TRAPPC12: variants seen among roughly 807,000 people sequenced by gnomAD.
TRAPPC12 encodes trafficking protein particle complex subunit 12, also known as TPR repeat protein 15.
A neutral mutation model predicts 69.2 loss-of-function variants in TRAPPC12; 61 were observed. The observed-to-expected ratio is 0.88, with a 90% CI of 0.72 to 1.09. TRAPPC12 has a LOEUF of 1.09. Ranked by LOEUF, TRAPPC12 falls within the 50% of genes least tolerant of loss-of-function variation. TRAPPC12 has a pLI of 0.00. For synonymous variants in TRAPPC12, 469 were observed against 438.9 expected (o/e 1.07, Z -0.86); for missense variants, 1,101 against 1,016.4 (o/e 1.08, Z -1.13).
intron 3 of TRAPPC12, among the ~76,000 whole-genome samples, chr2:3,419,430 G>T (rs13399186): frequency 0.64 from 97,003 of 151,984 alleles, 31,496 homozygotes; most frequent in African/African-American, 0.77. Context: ...GTAAATTATC[G>T]TAACCAATCT....
intron 3 of TRAPPC12, among the ~76,000 whole-genome samples, chr2:3,421,081 T>C (rs1662754866): frequency 6.6e-6 from 1 of 152,202 alleles, no homozygotes; most frequent in Admixed American, 6.5e-5. Flanking sequence ...GCTGCAGAAA[T>C]GAGGACATCT....
intron 3 of TRAPPC12, among the ~76,000 whole-genome samples, chr2:3,416,339 G>GTTTC (rs1662392272): frequency 1.3e-5 from 2 of 152,244 alleles, no homozygotes; most frequent in African/African-American, 4.8e-5. Flanking sequence ...CCACAGGTAG[G>GTTTC]TTTCTTTATT....
chr2:3,421,920 C>T lies in TRAPPC12; in HGVS notation c.1204C>T (p.Arg402Cys), dbSNP rs368315810. Residue 402 changes from arginine to cysteine, a missense_variant, in exon 4 of 12, where the codon CGT becomes TGT. Arg to Cys is a radical substitution (Grantham distance 180). Transcript: ENST00000324266. ...NWRAAVDLCGRLLTAHGQGYG... is the reference protein window; with the variant it reads ...NWRAAVDLCGCLLTAHGQGYG... ...GAGGGCAGCAGTGGACCTGTGCGGACGTCTCCTCACAGCCCACGGCCAGGG... is the reference window on the plus strand; with the variant it reads ...GAGGGCAGCAGTGGACCTGTGCGGATGTCTCCTCACAGCCCACGGCCAGGG... 1.1e-5 allele frequency: 18 copies of T among 1,613,794 alleles called. No individual in the cohort carries two copies. The South Asian group carries it at 1.2e-4, about 11-fold the overall frequency.
chr2:3,395,311 C>T (rs112897555), intron 2 of TRAPPC12, among the ~76,000 whole-genome samples: 9 of 152,210 alleles, frequency 5.9e-5, no homozygotes, highest in Non-Finnish European at 8.8e-5. Flanking sequence ...TCTCTTCAAA[C>T]GTTTTCTCCA....
chr2:3,457,404 G>A (rs546432680), intron 6 of TRAPPC12, among the ~76,000 whole-genome samples: 1 of 152,180 alleles, frequency 6.6e-6, no homozygotes, highest in East Asian at 1.9e-4. Context: ...GTATACCCAG[G>A]TAACCTGCAC....
chr2:3,415,258 C>T (rs1002711651), intron 3 of TRAPPC12, among the ~76,000 whole-genome samples: 9 of 152,174 alleles, frequency 5.9e-5, no homozygotes, highest in Admixed American at 2.0e-4. Context: ...CAAGAAATGA[C>T]GTGAAATGTC....
At chr2:3,444,435 T>C (rs1222559235) in intron 6 of TRAPPC12, among the ~76,000 whole-genome samples, 1 of 152,226 alleles carries the variant, frequency 6.6e-6, no homozygotes, top group Non-Finnish European at 1.5e-5. Context: ...AAGTGGCACG[T>C]TATTACACTA....
In TRAPPC12 at chr2:3,379,805, G is replaced by C. The variant is rs1660118440; in HGVS notation, c.-76G>C. On this transcript the variant is annotated 5_prime_UTR_variant, in exon 1 of 12. Transcript: ENST00000324266. ...AGTTCCTCTCCGATTCCCGGCTTCT[G>C]TCACCTTCCTCACGGACCTTGGTCA... 6.6e-6 allele frequency: 1 copy of C among 152,484 alleles called. No individual in the cohort carries two copies. The highest frequency in any genetic ancestry group is 2.4e-5 in the African/African-American group (1 of 41,460). 9.4% of individuals were successfully genotyped at this position (152,484 alleles called of 1,614,324 possible). A position where few individuals can be genotyped will look rare whatever the true frequency, so the allele number is the denominator to read the frequency against.
Position 3,465,612 on chromosome 2 carries a change from G to A in TRAPPC12, c.1693G>A (p.Val565Met), listed in dbSNP as rs201791969. ...LLLMKDYVLA[V>M]EAYHSVIKYY... is the part of the protein sequence containing the mutation. ...CTTCCCACAGGATTATGTGCTGGCCGTGGAGGCGTATCATTCGGTTATCAA... is the reference window on the plus strand; with the variant it reads ...CTTCCCACAGGATTATGTGCTGGCCATGGAGGCGTATCATTCGGTTATCAA... The change falls in exon 9 of 12, where the codon GTG becomes ATG. Residue 565 changes from valine (V) to methionine (M), a missense_variant. Transcript: ENST00000324266. 265 of 1,613,746 alleles carry A rather than the reference G, an allele frequency of 1.6e-4. No individual in the cohort carries two copies. Among genetic ancestry groups the A allele is most frequent in the Middle Eastern group, 3.3e-4 (2 of 6,062 alleles).
intron 6 of TRAPPC12, among the ~76,000 whole-genome samples, chr2:3,447,231 A>G (rs1664558834): frequency 6.6e-6 from 1 of 151,898 alleles, no homozygotes; most frequent in South Asian, 2.1e-4. Context: ...CTGAGTAGCT[A>G]GGATTACAGG....
intron 2 of TRAPPC12, 23 bp downstream of exon 2, chr2:3,388,693 C>T: frequency 6.6e-7 from 1 of 1,510,474 alleles, no homozygotes; most frequent in South Asian, 1.3e-5. Context: ...CTCCCACCTC[C>T]GCAGCCCGTG....
chr2:3,395,709 C>A (rs867708322), intron 2 of TRAPPC12, among the ~76,000 whole-genome samples: 4 of 150,990 alleles, frequency 2.6e-5, no homozygotes, highest in Admixed American at 2.6e-4. Context: ...ACTACAGGCA[C>A]GCACCACCAC....
intron 5 of TRAPPC12, among the ~76,000 whole-genome samples, chr2:3,440,109 G>C (rs1355696428): frequency 2.6e-5 from 4 of 152,062 alleles, no homozygotes; most frequent in African/African-American, 9.7e-5. Flanking sequence ...CTTTAGAGTA[G>C]CTCTGTAAGG....
chr2:3,424,582 A>G lies in TRAPPC12; in HGVS notation c.1336A>G (p.Met446Val). The part of the protein sequence containing the change: ...VKLGLFQNAE[M>V]EFEPFGNLDQ... ...GTTGGGCCTTTTCCAGAATGCTGAG[A>G]TGGAATTTGAACCCTTCGGAAATCT... The change falls in exon 5 of 12, where the codon ATG becomes GTG. Residue 446 changes from methionine (M) to valine (V), a missense_variant. Physicochemically the swap from Met to Val is conservative, Grantham distance 21. Coordinates refer to ENST00000324266, the MANE Select transcript of TRAPPC12 (RefSeq NM_016030.6). 1 of 1,614,084 alleles carries G rather than the reference A, an allele frequency of 6.2e-7. No individual in the cohort carries two copies. The highest frequency in any genetic ancestry group is 1.6e-4 in the Middle Eastern group (1 of 6,062).
chr2:3,391,933 C>T (rs1375663450), intron 2 of TRAPPC12, among the ~76,000 whole-genome samples: 1 of 152,086 alleles, frequency 6.6e-6, no homozygotes, highest in Non-Finnish European at 1.5e-5. Context: ...CTTGCCTTGC[C>T]GTTTGCTTCT....
chr2:3,428,201 T>C (rs1468423096), intron 5 of TRAPPC12, among the ~76,000 whole-genome samples: 3 of 152,196 alleles, frequency 2.0e-5, no homozygotes, highest in Non-Finnish European at 4.4e-5. Flanking sequence ...TTAAATTGCA[T>C]TGGTAAATGG....
intron 2 of TRAPPC12, among the ~76,000 whole-genome samples, chr2:3,400,092 G>C (rs538329746): frequency 5.3e-5 from 8 of 152,224 alleles, no homozygotes; most frequent in Non-Finnish European, 1.2e-4. Flanking sequence ...GGGACTTTGT[G>C]CTGTGTCCCT....
intron 5 of TRAPPC12, among the ~76,000 whole-genome samples, chr2:3,441,752 G>A (rs1393558519): frequency 1.4e-5 from 2 of 147,784 alleles, no homozygotes; most frequent in East Asian, 3.9e-4. Context: ...GGCTTATATT[G>A]CTCTTTCTTT....
intron 5 of TRAPPC12, among the ~76,000 whole-genome samples, chr2:3,430,679 CTT>C (rs1203671172): frequency 1.3e-5 from 2 of 152,194 alleles, no homozygotes; most frequent in Non-Finnish European, 2.9e-5. Flanking sequence ...CAAACATAAC[CTT>C]TTTTGTTCGC....
Sources: allele counts gnomAD v4.1 joint callset (sites outside exome capture counted in the v4.1 genomes callset), GRCh38; gene constraint gnomAD v4.1.1; transcripts MANE v1.5; gene names NCBI Gene and HGNC (gene_info 2026-07-23, HGNC 2026-07-21).